Variants in ROBO1 observed in about 807,000 individuals in gnomAD.
The protein encoded by ROBO1 is roundabout homolog 1.
In ROBO1, 149 loss-of-function variants were observed where a neutral mutation model predicts 195.9. That is an observed-to-expected ratio of 0.76 (90% CI 0.67 to 0.87). ROBO1 has a LOEUF of 0.87. Among genes scored for constraint, ROBO1 ranks in the 40% least tolerant of loss-of-function variants. The pLI, the probability that ROBO1 is intolerant of heterozygous loss-of-function variation, is 0.00. For missense variants in ROBO1, 1,933 were observed against 2,068.3 expected, an observed-to-expected ratio of 0.93 and a Z score of 1.27; for synonymous variants, 816 against 733.2, an observed-to-expected ratio of 1.11 and a Z score of -1.82.
intron 2 of ROBO1, among the ~76,000 whole-genome samples, chr3:79,489,651 C>CAAAAAAA (rs11328226): frequency 2.3e-5 from 2 of 88,824 alleles, no homozygotes; most frequent in African/African-American, 4.1e-5. Context: ...GACTTCATCT[C>CAAAAAAA]AAAAAAAAAA....
chr3:78,736,854 T>C (rs567894365), intron 5 of ROBO1, among the ~76,000 whole-genome samples: 16 of 152,256 alleles, frequency 1.1e-4, no homozygotes, highest in African/African-American at 3.9e-4. Flanking sequence ...ATTATTTAAA[T>C]AAAATTGCAA....
intron 1 of ROBO1, among the ~76,000 whole-genome samples, chr3:79,716,221 G>A (rs756005512): frequency 2.2e-4 from 33 of 151,778 alleles, no homozygotes; most frequent in Non-Finnish European, 4.4e-5. Context: ...TGGTATTATT[G>A]TTTTATATTA....
intron 1 of ROBO1, among the ~76,000 whole-genome samples, chr3:79,631,567 T>A (rs1005191819): frequency 1.3e-5 from 2 of 152,068 alleles, no homozygotes; most frequent in Admixed American, 1.3e-4. Context: ...CTTCTGGACA[T>A]GGACCCAGGC....
At chr3:79,746,859 T>G (rs533392284) in intron 1 of ROBO1, among the ~76,000 whole-genome samples, 1 of 152,186 alleles carries the variant, frequency 6.6e-6, no homozygotes, top group African/African-American at 2.4e-5. Context: ...TGGCTGATAA[T>G]TATAAAGAAT....
At position 78,659,801 on chromosome 3, in the gene ROBO1, C is replaced by A. The variant is rs776318870; in HGVS notation, c.2327G>T (p.Ser776Ile). ...KFAKTLEEAPSAPPQGVTVSK... is the reference protein window; with the variant it reads ...KFAKTLEEAPIAPPQGVTVSK... Reference sequence around the variant, plus strand: ...TACAGTTACACCTTGGGGTGGGGCACTGGGTGCTATTAAATTGTTTTAAAA... The same window carrying A: ...TACAGTTACACCTTGGGGTGGGGCAATGGGTGCTATTAAATTGTTTTAAAA... The change falls in exon 17 of 31, where the codon AGT becomes ATT. Residue 776 changes from serine (S) to isoleucine (I), a missense_variant. Transcript: ENST00000464233. 27 of 1,602,728 alleles carry A rather than the reference C, an allele frequency of 1.7e-5. No individual in the cohort carries two copies. Among genetic ancestry groups the A allele is most frequent in the Non-Finnish European group, 6.8e-6 (8 of 1,174,744 alleles).
intron 4 of ROBO1, among the ~76,000 whole-genome samples, chr3:78,776,861 G>A (rs943390824): frequency 6.6e-6 from 1 of 152,014 alleles, no homozygotes; most frequent in Non-Finnish European, 1.5e-5. Flanking sequence ...ATAAAATAGC[G>A]ACAAATAATT....
intron 1 of ROBO1, among the ~76,000 whole-genome samples, chr3:79,653,254 T>C (rs1474274288): frequency 2.0e-5 from 3 of 151,878 alleles, no homozygotes; most frequent in African/African-American, 7.2e-5. Flanking sequence ...GAAATTCATT[T>C]AATGACAAAT....
intron 4 of ROBO1, among the ~76,000 whole-genome samples, chr3:78,908,902 A>T (rs2038083525): frequency 6.6e-6 from 1 of 151,908 alleles, no homozygotes; most frequent in Non-Finnish European, 1.5e-5. Flanking sequence ...ACTAAAATGC[A>T]TTCCATACTC....
rs566785333 is a variant in ROBO1, at chr3:79,062,561, C to T, written c.172+62895G>A. Reference sequence around the variant, plus strand: ...GAGACATTCACACATATGTTTATTGCGGCATTATTCACAATAGGAAAGTCT... The same window carrying T: ...GAGACATTCACACATATGTTTATTGTGGCATTATTCACAATAGGAAAGTCT... On this transcript the variant is annotated intron_variant, in intron 3 of 30. Transcript: ENST00000464233. 9.1e-3 allele frequency among the ~76,000 whole-genome samples: 1,392 copies of T among 152,164 alleles called. 13 individuals carry two copies. The highest frequency in any genetic ancestry group is 0.011 in the Non-Finnish European group (773 of 68,008).
At position 78,799,550 on chromosome 3, in the gene ROBO1, C is replaced by T. The variant is rs183715864; in HGVS notation, c.500-52650G>A. 9.9e-5 allele frequency among the ~76,000 whole-genome samples: 15 copies of T among 152,124 alleles called. No individual in the cohort carries two copies. In the East Asian group the frequency reaches 2.9e-3, roughly 30 times the overall value. On this transcript the variant is annotated intron_variant, in intron 4 of 30. Coordinates refer to ENST00000464233, the MANE Select transcript of ROBO1 (RefSeq NM_002941.4). ...TAGAGACGGGGTTTCACCGTGTTAG[C>T]CAGGATGGTCTCGATCTCCTGACCT...
intron 8 of ROBO1, among the ~76,000 whole-genome samples, chr3:78,694,454 C>T (rs995595865): frequency 6.6e-6 from 1 of 152,118 alleles, no homozygotes; most frequent in Admixed American, 6.5e-5. Context: ...TTGTCCCATA[C>T]GCAAAATTTA....
intron 3 of ROBO1, among the ~76,000 whole-genome samples, chr3:79,044,530 A>G (rs2108344347): frequency 6.6e-6 from 1 of 152,282 alleles, no homozygotes; most frequent in South Asian, 2.1e-4. Context: ...GCTTTCAGAG[A>G]TAATTTACCA....
chr3:79,527,577 C>G (rs140339985), intron 2 of ROBO1, among the ~76,000 whole-genome samples: 7 of 151,414 alleles, frequency 4.6e-5, no homozygotes, highest in Non-Finnish European at 1.0e-4. Flanking sequence ...CTAAACTCAG[C>G]AAAAGTACTA....
At chr3:79,268,319 A>G (rs1204761114) in intron 2 of ROBO1, among the ~76,000 whole-genome samples, 2 of 151,684 alleles carry the variant, frequency 1.3e-5, no homozygotes, top group African/African-American at 4.8e-5. Context: ...ACCTTATTCT[A>G]TAAGTTGGAA....
At chr3:79,696,344 T>C (rs565183276) in intron 1 of ROBO1, among the ~76,000 whole-genome samples, 109 of 151,154 alleles carry the variant, frequency 7.2e-4, no homozygotes, top group African/African-American at 2.5e-3. Context: ...GCCTACTTTA[T>C]GTTGCTTATT....
chr3:79,702,813 C>G (rs1262033648), intron 1 of ROBO1, among the ~76,000 whole-genome samples: 2 of 151,928 alleles, frequency 1.3e-5, no homozygotes, highest in Non-Finnish European at 2.9e-5. Context: ...AGCATCCATT[C>G]CCCATGTTTT....
intron 1 of ROBO1, among the ~76,000 whole-genome samples, chr3:79,702,558 A>T (rs1947650196): frequency 6.6e-6 from 1 of 151,812 alleles, no homozygotes; most frequent in African/African-American, 2.4e-5. Flanking sequence ...TTCCCTCTTC[A>T]GGCATTGGTA....
intron 26 of ROBO1, among the ~76,000 whole-genome samples, chr3:78,621,825 AT>A (rs1173558633): frequency 2.0e-5 from 3 of 152,214 alleles, no homozygotes; most frequent in Admixed American, 2.0e-4. Context: ...GATGTCATTA[AT>A]TTATCAAAGT....
At chr3:79,231,930 T>C (rs962914129) in intron 2 of ROBO1, among the ~76,000 whole-genome samples, 3 of 152,094 alleles carry the variant, frequency 2.0e-5, no homozygotes, top group East Asian at 3.9e-4. Context: ...TGGATGGAAC[T>C]GGGGGCCATT....
Sources: allele counts gnomAD v4.1 joint callset (sites outside exome capture counted in the v4.1 genomes callset), GRCh38; gene constraint gnomAD v4.1.1; transcripts MANE v1.5; gene names NCBI Gene and HGNC (gene_info 2026-07-23, HGNC 2026-07-21).